Variants in RNF150 observed in about 807,000 individuals in gnomAD.
RNF150 encodes the protein ring finger protein 150.
A neutral mutation model predicts 39.3 loss-of-function variants in RNF150; 24 were observed. The observed-to-expected ratio is 0.61, with a 90% CI of 0.44 to 0.86. The LOEUF is 0.86. Ranked by LOEUF, RNF150 falls within the 40% of genes least tolerant of loss-of-function variation. RNF150 has a pLI of 0.00. For synonymous variants in RNF150, 255 were observed against 227.3 expected (o/e 1.12, Z -1.10); for missense variants, 502 against 587.8 (o/e 0.85, Z 1.51).
At chr4:141,147,210 C>T (rs573228214) in intron 1 of RNF150, among the ~76,000 whole-genome samples, 1 of 152,332 alleles carries the variant, frequency 6.6e-6, no homozygotes, top group East Asian at 1.9e-4. Flanking sequence ...GGTTTGTCAA[C>T]AAACCAACTC....
rs562684243 is a variant in RNF150, at chr4:140,963,502, A to G, written c.735+4121T>C. ...TTACAATTAATTTAAATAGCCACAC[A>G]TGGCTAGTGACTACCATGTTGGACA... On this transcript the variant is annotated intron_variant, in intron 2 of 6. Coordinates refer to ENST00000515673, the MANE Select transcript of RNF150 (RefSeq NM_020724.2). Among the ~76,000 whole-genome samples the G allele has an allele frequency of 1.1e-4, 16 of 152,222 alleles. No individual in the cohort carries two copies. The East Asian group carries it at 2.7e-3, about 26-fold the overall frequency.
intron 1 of RNF150, among the ~76,000 whole-genome samples, chr4:141,202,682 C>T (rs887370101): frequency 6.6e-6 from 1 of 151,722 alleles, no homozygotes; most frequent in Non-Finnish European, 1.5e-5. Flanking sequence ...TAGAATTATT[C>T]TTATTAATTT....
At chr4:141,091,386 T>A (rs1738574437) in intron 1 of RNF150, among the ~76,000 whole-genome samples, 2 of 152,092 alleles carry the variant, frequency 1.3e-5, no homozygotes, top group South Asian at 4.2e-4. Flanking sequence ...TTAAAAAAAA[T>A]CAAATGACAA....
intron 1 of RNF150, among the ~76,000 whole-genome samples, chr4:140,973,818 A>G (rs1452366268): frequency 6.7e-6 from 1 of 149,554 alleles, no homozygotes; most frequent in Non-Finnish European, 1.5e-5. Context: ...CAGAGGTTGC[A>G]GTGAGCCAAG....
At chr4:140,953,211 C>A (rs1158533489) in intron 2 of RNF150, among the ~76,000 whole-genome samples, 2 of 152,306 alleles carry the variant, frequency 1.3e-5, no homozygotes, top group South Asian at 4.1e-4. Context: ...CTCCTAGAAG[C>A]TCTGAGAAAT....
intron 1 of RNF150, among the ~76,000 whole-genome samples, chr4:141,059,403 TGGAATG>T (rs951057130): frequency 2.0e-5 from 3 of 152,304 alleles, no homozygotes; most frequent in African/African-American, 7.2e-5. Context: ...AGTCATCAAA[TGGAATG>T]TTCTCTTGCC....
At position 140,992,903 on chromosome 4, in the gene RNF150, C is replaced by T. The variant is rs369270596; in HGVS notation, c.485-25030G>A. On this transcript the variant is annotated intron_variant, in intron 1 of 6. Transcript: ENST00000515673. ...ATAACAATGACAGGACAGCCTCTTC[C>T]TTGTGCTCAGGAGCCAAGGGAGGCA... Among the ~76,000 whole-genome samples, 3 of 152,186 alleles carry T rather than the reference C, an allele frequency of 2.0e-5. No individual in the cohort carries two copies. The South Asian group carries it at 6.2e-4, about 32-fold the overall frequency.
intron 1 of RNF150, among the ~76,000 whole-genome samples, chr4:141,170,331 G>A (rs1220115230): frequency 2.0e-5 from 3 of 152,138 alleles, no homozygotes; most frequent in African/African-American, 7.2e-5. Flanking sequence ...CGTACTCTAT[G>A]TCTTGGGGCA....
At chr4:141,080,528 AT>A (rs1738109257) in intron 1 of RNF150, among the ~76,000 whole-genome samples, 1 of 152,188 alleles carries the variant, frequency 6.6e-6, no homozygotes, top group Non-Finnish European at 1.5e-5. Flanking sequence ...TTCATTTCAT[AT>A]TCCTTATTTT....
At chr4:141,173,121 A>C (rs1360822907) in intron 1 of RNF150, among the ~76,000 whole-genome samples, 1 of 152,170 alleles carries the variant, frequency 6.6e-6, no homozygotes, top group Non-Finnish European at 1.5e-5. Flanking sequence ...CGCTACCTCC[A>C]TTGCCTTGAG....
intron 4 of RNF150, 59 bp from the exon 5 acceptor site, chr4:140,926,132 CA>C: frequency 8.3e-7 from 1 of 1,209,028 alleles, no homozygotes; most frequent in Non-Finnish European, 1.2e-6. Context: ...CCTGGTCCAC[CA>C]TGGCCCAGGG....
intron 6 of RNF150, chr4:140,910,935 GGA>G: frequency 1.7e-6 from 1 of 599,758 alleles, no homozygotes; most frequent in Admixed American, 3.0e-5. Flanking sequence ...TGGGCAGGCA[GGA>G]GCATGGGCAC....
chr4:141,002,434 A>C (rs1474005341), intron 1 of RNF150, among the ~76,000 whole-genome samples: 1 of 152,066 alleles, frequency 6.6e-6, no homozygotes, highest in Non-Finnish European at 1.5e-5. Flanking sequence ...TCACTATCTT[A>C]AGCTTTGCCA....
intron 1 of RNF150, among the ~76,000 whole-genome samples, chr4:141,014,527 C>A (rs1251325634): frequency 6.6e-6 from 1 of 152,216 alleles, no homozygotes; most frequent in Non-Finnish European, 1.5e-5. Flanking sequence ...TTGATAAAAG[C>A]AATTTTAACA....
intron 6 of RNF150, among the ~76,000 whole-genome samples, chr4:140,878,345 A>G (rs1422105235): frequency 1.3e-5 from 2 of 151,520 alleles, no homozygotes; most frequent in African/African-American, 4.9e-5. Context: ...TAATTTTTGT[A>G]CTTGTAGTAG....
chr4:140,894,613 CTTTG>C (rs1729871720), intron 6 of RNF150, among the ~76,000 whole-genome samples: 1 of 152,106 alleles, frequency 6.6e-6, no homozygotes, highest in African/African-American at 2.4e-5. Context: ...TTGGTGCATG[CTTTG>C]TTTAACATTT....
intron 1 of RNF150, among the ~76,000 whole-genome samples, chr4:141,139,487 A>G (rs1727080647): frequency 6.6e-6 from 1 of 152,252 alleles, no homozygotes; most frequent in South Asian, 2.1e-4. Context: ...CATCACAGTT[A>G]GCCCAGATAG....
At chr4:140,921,646 C>A (rs746553420) in intron 5 of RNF150, among the ~76,000 whole-genome samples, 2 of 152,078 alleles carry the variant, frequency 1.3e-5, no homozygotes, top group Non-Finnish European at 2.9e-5. Flanking sequence ...GATACCAAAG[C>A]CTGGCAGAGA....
chr4:141,084,188 T>C (rs1015415750), intron 1 of RNF150, among the ~76,000 whole-genome samples: 2 of 152,202 alleles, frequency 1.3e-5, no homozygotes, highest in African/African-American at 2.4e-5. Flanking sequence ...CAGATAACCG[T>C]TTCCACGACC....
Sources: gnomAD v4.1 joint callset for allele counts (sites outside exome capture counted in the v4.1 genomes callset) on GRCh38, gnomAD v4.1.1 for gene constraint, MANE v1.5 for transcripts, NCBI Gene and HGNC (gene_info 2026-07-23, HGNC 2026-07-21) for gene names.